The following STAB1 variants were observed in gnomAD, a reference collection of about 807,000 sequenced individuals.
The protein encoded by STAB1 is stabilin 1.
In STAB1, 250 loss-of-function variants were observed where a neutral mutation model predicts 332.4. The ratio of observed to expected loss-of-function variants is 0.75; its 90% CI spans 0.68 to 0.84. The LOEUF is 0.84. Among genes scored for constraint, STAB1 ranks in the 40% least tolerant of loss-of-function variants. The probability of loss-of-function intolerance (pLI) is 0.00; values close to 1 mark genes in which losing one functional copy is unlikely to be tolerated. For synonymous variants in STAB1, 1,475 were observed against 1,390.4 expected, an observed-to-expected ratio of 1.06 and a Z score of -1.35; for missense variants, 3,249 against 3,489.7, an observed-to-expected ratio of 0.93 and a Z score of 1.74.
chr3:52,506,859 C>T lies in STAB1; in HGVS notation c.1989+9C>T, dbSNP rs1341151281. On this transcript the variant is annotated intron_variant, in intron 18 of 68. Coordinates refer to ENST00000321725, the MANE Select transcript of STAB1 (RefSeq NM_015136.3). ...AGCACAAGATTGTGGCGGTGAGCCT[C>T]GCCTGCACGGCCAGGGCCCTACTCA... 2.1e-5 allele frequency: 34 copies of T among 1,612,126 alleles called. No individual in the cohort carries two copies. The highest frequency in any genetic ancestry group is 2.8e-5 in the Non-Finnish European group (33 of 1,179,564).
intron 29 of STAB1, 81 bp from the exon 30 acceptor site, chr3:52,513,049 C>T: frequency 6.4e-7 from 1 of 1,558,174 alleles, no homozygotes; most frequent in Admixed American, 2.0e-5. Context: ...GCACTCACCC[C>T]TTGGGGTGGG....
rs762461539 is a variant in STAB1, at chr3:52,520,871, G to T, written c.5774G>T (p.Gly1925Val). Residue 1925 changes from glycine (G) to valine (V), a missense_variant, in exon 55 of 69, where the codon GGA becomes GTA. Gly to Val is a moderately radical substitution (Grantham distance 109). Coordinates refer to ENST00000321725, the MANE Select transcript of STAB1 (RefSeq NM_015136.3). ...ACGTCCCCTCCGCTGCACTCTTTGG[G>T]ATTACGCAGCGTCTGGGTCCACCCC... ...FWTSPPLHSL[G>V]LRSVWVHPSL... 1 of 1,612,698 alleles carries T rather than the reference G, an allele frequency of 6.2e-7. No homozygotes were observed. The highest frequency in any genetic ancestry group is 8.5e-7 in the Non-Finnish European group (1 of 1,179,964).
In STAB1 at chr3:52,517,345, CG is replaced by C; in HGVS notation, c.4520del (p.Gly1507AlafsTer84). 1.2e-6 allele frequency: 2 copies of C among 1,600,980 alleles called. No homozygotes were observed. Among genetic ancestry groups the C allele is most frequent in the African/African-American group, 1.3e-5 (1 of 74,482 alleles). ...AAATTAACAGCTGTCTCATCCACCA[CG>C]GGGGCTGCCACATTCACGCCGAGTG... ...QEINSCLIHHGGCHIHAECIP... is the reference protein window; with the variant it reads ...QEINSCLIHHXGCHIHAECIP... On this transcript the variant is annotated frameshift_variant, in exon 43 of 69. Coordinates refer to ENST00000321725, the MANE Select transcript of STAB1 (RefSeq NM_015136.3). LOFTEE classifies it high-confidence loss of function.
chr3:52,512,822 G>T lies in STAB1; in HGVS notation c.3028-6G>T, dbSNP rs1158967860. On this transcript the variant is annotated splice_region_variant and splice_polypyrimidine_tract_variant and intron_variant, in intron 28 of 68. Coordinates refer to ENST00000321725, the MANE Select transcript of STAB1 (RefSeq NM_015136.3). ...CCTCCCGCCCCTGCTCCCTGTGTGC[G>T]TGCAGAGTGCCGGCATCACGCTTCC... 1 of 1,608,264 alleles carries T rather than the reference G, an allele frequency of 6.2e-7. No homozygotes were observed. The highest frequency in any genetic ancestry group is 1.3e-5 in the African/African-American group (1 of 75,048).
chr3:52,518,141 G>T (rs1249803592), intron 45 of STAB1, 138 bp downstream of exon 45: 2 of 1,490,806 alleles, frequency 1.3e-6, no homozygotes, highest in Non-Finnish European at 1.8e-6. Flanking sequence ...GATTGTACCT[G>T]GGCCTGACCC....
rs560689852 is a variant in STAB1 at position 52,501,635 on chromosome 3, C to T, written c.216-3C>T. The T allele has an allele frequency of 1.4e-5, 21 of 1,554,582 alleles. No homozygotes were observed. The South Asian group carries it at 2.3e-4, about 17-fold the overall frequency. ...CATCACCCTGCCCACCCTCTGCCCC[C>T]AGCTACGAAGTACAGCTGGGGGGCT... On this transcript the variant is annotated splice_region_variant and splice_polypyrimidine_tract_variant and intron_variant, in intron 2 of 68. Transcript: ENST00000321725.
In STAB1 at chr3:52,518,588, C is replaced by G; in HGVS notation, c.4862C>G (p.Ala1621Gly). The change falls in exon 47 of 69, where the codon GCA becomes GGA. Residue 1621 changes from alanine to glycine, a missense_variant. Coordinates refer to ENST00000321725, the MANE Select transcript of STAB1 (RefSeq NM_015136.3). ...CCTTTCACCATCTTCGTGCCGCACG[C>G]AGATCTAATGAGCAACCTGTCGCAG... ...DGPFTIFVPH[A>G]DLMSNLSQDE... is the part of the protein sequence containing the mutation. 6.2e-7 allele frequency: 1 copy of G among 1,603,954 alleles called. No homozygotes were observed. The highest frequency in any genetic ancestry group is 8.5e-7 in the Non-Finnish European group (1 of 1,175,570).
intron 7 of STAB1, 24 bp downstream of exon 7, chr3:52,503,133 G>A (rs769937927): frequency 3.2e-6 from 5 of 1,566,426 alleles, no homozygotes; most frequent in Middle Eastern, 1.7e-4. Context: ...CAGAGGCCAG[G>A]GACTTCAGCT....
chr3:52,510,351 TGA>T lies in STAB1; in HGVS notation c.2633_2634del (p.Glu878ValfsTer28). 1 of 1,614,006 alleles carries T rather than the reference TGA, an allele frequency of 6.2e-7. No homozygotes were observed. On this transcript the variant is annotated frameshift_variant, in exon 25 of 69. Coordinates refer to ENST00000321725, the MANE Select transcript of STAB1 (RefSeq NM_015136.3). LOFTEE classifies it high-confidence loss of function. Reference sequence around the variant, plus strand: ...TTATTTATCCATGGCTCTCACAGGCTGAGTGTGTCCCTGGGTCCCTGGGCACC... The same window carrying T: ...TTATTTATCCATGGCTCTCACAGGCTGTGTGTCCCTGGGTCCCTGGGCACC... The part of the protein sequence containing the change: ...PDRGGCSENA[E>X]CVPGSLGTHH...
intron 34 of STAB1, 99 bp from the exon 35 acceptor site, chr3:52,514,602 C>A: frequency 6.3e-7 from 1 of 1,580,252 alleles, no homozygotes; most frequent in Non-Finnish European, 8.6e-7. Flanking sequence ...CTAACCTCTG[C>A]TCCAGGGAGC....
intron 16 of STAB1, 97 bp downstream of exon 16, chr3:52,506,033 C>A: frequency 6.5e-7 from 1 of 1,539,392 alleles, no homozygotes; most frequent in Non-Finnish European, 8.9e-7. Context: ...CTCCATCTCC[C>A]TTCCCTTCTC....
In STAB1 at chr3:52,522,183, C is replaced by T. The variant is rs2079095079; in HGVS notation, c.6418C>T (p.His2140Tyr). The T allele has an allele frequency of 5.0e-6, 8 of 1,612,700 alleles. No individual in the cohort carries two copies. The highest frequency in any genetic ancestry group is 6.8e-6 in the Non-Finnish European group (8 of 1,179,970). Residue 2140 changes from histidine (H) to tyrosine (Y), a missense_variant, in exon 59 of 69, where the codon CAC becomes TAC. Physicochemically the swap from His to Tyr is moderately conservative, Grantham distance 83. Transcript: ENST00000321725. ...CRARNPCTDG[H>Y]RGGCSEHANC... Reference sequence around the variant, plus strand: ...GGCCCGCAACCCCTGCACAGATGGCCACCGCGGGGGCTGCAGCGAGCACGC... The same window carrying T: ...GGCCCGCAACCCCTGCACAGATGGCTACCGCGGGGGCTGCAGCGAGCACGC...
Position 52,495,348 on chromosome 3 carries a change from T to G in STAB1, c.-66T>G, listed in dbSNP as rs1707925049. ...CCCGCCCCGTCCCGCCTGCCTGTGC[T>G]GTGCCTGCCTCCTAGAGCTCATTCC... is the stretch of plus-strand genomic sequence containing the variant. On this transcript the variant is annotated 5_prime_UTR_variant, in exon 1 of 69. Coordinates refer to ENST00000321725, the MANE Select transcript of STAB1 (RefSeq NM_015136.3). The G allele has an allele frequency of 1.6e-6, 2 of 1,220,256 alleles. No individual in the cohort carries two copies. Among genetic ancestry groups the G allele is most frequent in the Non-Finnish European group, 2.1e-6 (2 of 957,816 alleles). 75.6% of individuals were successfully genotyped at this position (1,220,256 alleles called of 1,614,324 possible). A position where few individuals can be genotyped will look rare whatever the true frequency, so the allele number is the denominator to read the frequency against.
chr3:52,503,794 G>T lies in STAB1; in HGVS notation c.914G>T (p.Gly305Val). The T allele has an allele frequency of 6.2e-7, 1 of 1,613,192 alleles. No individual in the cohort carries two copies. Among genetic ancestry groups the T allele is most frequent in the Non-Finnish European group, 8.5e-7 (1 of 1,180,024 alleles). The change falls in exon 9 of 69, where the codon GGC becomes GTC. Residue 305 changes from glycine to valine, a missense_variant. Gly to Val is a moderately radical substitution (Grantham distance 109, BLOSUM62 -3). Coordinates refer to ENST00000321725, the MANE Select transcript of STAB1 (RefSeq NM_015136.3). ...CAGGCCTTCTGCACCTGCCGGCCAG[G>T]CCTGGTCAGCATCAACAGCAACGCT... is the stretch of plus-strand genomic sequence containing the variant. ...PGQAFCTCRP[G>V]LVSINSNASA... is the part of the protein sequence containing the mutation.
chr3:52,503,224 G>C, intron 7 of STAB1, 115 bp downstream of exon 7: 1 of 1,497,956 alleles, frequency 6.7e-7, no homozygotes, highest in South Asian at 1.2e-5. Flanking sequence ...CCATTCCTAA[G>C]GGGAGCCTAT....
intron 18 of STAB1, among the ~76,000 whole-genome samples, 168 bp downstream of exon 18, chr3:52,507,018 C>A (rs1395882085): frequency 6.6e-6 from 1 of 152,226 alleles, no homozygotes; most frequent in African/African-American, 2.4e-5. Flanking sequence ...CACGCTCACC[C>A]TCACCAGGAC....
Position 52,512,626 on chromosome 3 carries a change from T to C in STAB1, c.3010T>C (p.Phe1004Leu). The C allele has an allele frequency of 6.2e-7, 1 of 1,613,852 alleles. No homozygotes were observed. The highest frequency in any genetic ancestry group is 1.1e-5 in the South Asian group (1 of 91,084). ...ELEANAHFSI[F>L]YQWLKSAGIT... is the part of the protein sequence containing the mutation. ...GGAGGCAAATGCCCACTTCTCCATCTTCTACCAATGGCTTAAGGTAGGACA... is the reference window on the plus strand; with the variant it reads ...GGAGGCAAATGCCCACTTCTCCATCCTCTACCAATGGCTTAAGGTAGGACA... The change falls in exon 28 of 69, where the codon TTC becomes CTC. Residue 1004 changes from phenylalanine (F) to leucine (L), a missense_variant. Coordinates refer to ENST00000321725, the MANE Select transcript of STAB1 (RefSeq NM_015136.3).
intron 1 of STAB1, among the ~76,000 whole-genome samples, chr3:52,499,965 C>G (rs912155425): frequency 1.3e-5 from 2 of 148,994 alleles, no homozygotes; most frequent in East Asian, 2.0e-4. Flanking sequence ...CCCAGCTACT[C>G]GGGAGGCTGA....
rs749031768 is a variant in STAB1 at position 52,520,536 on chromosome 3, G to A, written c.5636G>A (p.Arg1879Gln). 1.3e-5 allele frequency: 21 copies of A among 1,611,372 alleles called. No homozygotes were observed. The highest frequency in any genetic ancestry group is 8.3e-5 in the Admixed American group (5 of 59,980). Residue 1879 changes from arginine (R) to glutamine (Q), a missense_variant, in exon 53 of 69, where the codon CGG (arginine) becomes CAG (glutamine). Transcript: ENST00000321725. ...GCTCGCTGTGACCACTTTGAGACCCGGCCCCTGCGACTGGTGAGGGAGGCC... is the reference window on the plus strand; with the variant it reads ...GCTCGCTGTGACCACTTTGAGACCCAGCCCCTGCGACTGGTGAGGGAGGCC... ...LGARCDHFET[R>Q]PLRLNTCSIC...
Sources: allele counts gnomAD v4.1 joint callset (sites outside exome capture counted in the v4.1 genomes callset), GRCh38; gene constraint gnomAD v4.1.1; transcripts MANE v1.5; gene names NCBI Gene and HGNC (gene_info 2026-07-23, HGNC 2026-07-21).